Variants in ELF2 observed in about 807,000 individuals in gnomAD.
The protein encoded by ELF2 is ETS-related transcription factor Elf-2.
ELF2 carries 11 observed loss-of-function variants against 54.8 expected under a neutral mutation model. The ratio of observed to expected loss-of-function variants is 0.20; its 90% CI spans 0.13 to 0.33. The LOEUF is 0.33. Ranked by LOEUF, ELF2 falls within the 10% of genes least tolerant of loss-of-function variation. The pLI, the probability that ELF2 is intolerant of heterozygous loss-of-function variation, is 1.00. For missense variants in ELF2, 513 were observed against 703.0 expected (o/e 0.73, Z 3.06); for synonymous variants, 203 against 245.1 (o/e 0.83, Z 1.61).
At chr4:139,101,744 T>C (rs577873168) in intron 4 of ELF2, 3 of 152,328 alleles carry the variant, frequency 2.0e-5, no homozygotes, top group East Asian at 1.9e-4. Flanking sequence ...GTTCTTCCTT[T>C]TTTATGGAGG....
intron 4 of ELF2, among the ~76,000 whole-genome samples, chr4:139,091,863 G>A (rs1347709629): frequency 6.6e-6 from 1 of 151,134 alleles, no homozygotes; most frequent in Admixed American, 6.6e-5. Context: ...AACACACTTT[G>A]GCAAAGGTTG....
At position 139,130,765 on chromosome 4, in the gene ELF2, A is replaced by G. The variant is rs568538804; in HGVS notation, c.73-5436T>C. Reference sequence around the variant, plus strand: ...TTCATATAAACTAAAGTGGCATTTAAGTACAGATATTTGTAGCTTGGCTCA... The same window carrying G: ...TTCATATAAACTAAAGTGGCATTTAGGTACAGATATTTGTAGCTTGGCTCA... On this transcript the variant is annotated intron_variant, in intron 3 of 9. Transcript: ENST00000686138. Among the ~76,000 whole-genome samples, 30 of 152,354 alleles carry G rather than the reference A, an allele frequency of 2.0e-4. No individual in the cohort carries two copies. In the South Asian group the frequency reaches 5.6e-3, roughly 28 times the overall value.
intron 1 of ELF2, among the ~76,000 whole-genome samples, chr4:139,153,036 A>G (rs1444450118): frequency 6.6e-6 from 1 of 151,802 alleles, no homozygotes; most frequent in African/African-American, 2.4e-5. Context: ...AGTTTTGTGC[A>G]TTCTTTCCAT....
intron 4 of ELF2, among the ~76,000 whole-genome samples, chr4:139,111,178 C>T (rs994622787): frequency 6.6e-6 from 1 of 152,082 alleles, no homozygotes; most frequent in African/African-American, 2.4e-5. Flanking sequence ...CACCTAAGGC[C>T]TAGAACACTG....
At position 139,112,702 on chromosome 4, in the gene ELF2, AT is replaced by A. The variant is rs893709230; in HGVS notation, c.238+12461del. On this transcript the variant is annotated intron_variant, in intron 4 of 9. Transcript: ENST00000686138. ...TTAGATACACTGTTGTATAGCAAAA[AT>A]TTTTTTTTAATTTTTTTAGTATTTA... Among the ~76,000 whole-genome samples, 7 of 151,844 alleles carry A rather than the reference AT, an allele frequency of 4.6e-5. No homozygotes were observed. In the South Asian group the frequency reaches 8.4e-4, roughly 18 times the overall value.
At chr4:139,161,866 G>A (rs1381530451) in intron 1 of ELF2, among the ~76,000 whole-genome samples, 9 of 151,980 alleles carry the variant, frequency 5.9e-5, no homozygotes, top group South Asian at 2.1e-4. Flanking sequence ...AGGCCAAGAC[G>A]GGTGGATCAC....
chr4:139,091,975 C>T (rs142688150), intron 4 of ELF2, among the ~76,000 whole-genome samples: 2,149 of 147,866 alleles, frequency 0.015, 58 homozygotes, highest in African/African-American at 0.05. Context: ...ATATACACTA[C>T]ATATATACAT....
At chr4:139,172,531 T>C (rs1193740476) in intron 1 of ELF2, among the ~76,000 whole-genome samples, 2 of 152,078 alleles carry the variant, frequency 1.3e-5, no homozygotes, top group African/African-American at 4.8e-5. Flanking sequence ...TAACCCTTAT[T>C]TTACTTAACA....
In ELF2 at chr4:139,073,452, A is replaced by G; in HGVS notation, c.352+2T>C. 6.3e-7 allele frequency: 1 copy of G among 1,597,818 alleles called. No homozygotes were observed. Among genetic ancestry groups the G allele is most frequent in the Non-Finnish European group, 8.5e-7 (1 of 1,171,012 alleles). On this transcript the variant is annotated splice_donor_variant, in intron 5 of 9. Coordinates refer to ENST00000686138, the MANE Select transcript of ELF2 (RefSeq NM_001331036.3). LOFTEE classifies it high-confidence loss of function. ...TAACATAAGAATGAACAGTTTACAT[A>G]CCAGGACTTCTTGAATCCCTCAAGC...
At chr4:139,086,637 T>G (rs780534397) in intron 4 of ELF2, among the ~76,000 whole-genome samples, 11 of 152,212 alleles carry the variant, frequency 7.2e-5, no homozygotes, top group Non-Finnish European at 1.5e-4. Context: ...TATAGGTGCT[T>G]ATTAAGCTGG....
At chr4:139,160,148 T>C (rs187859701) in intron 1 of ELF2, among the ~76,000 whole-genome samples, 59 of 152,202 alleles carry the variant, frequency 3.9e-4, no homozygotes, top group Non-Finnish European at 8.8e-5. Context: ...CCATCCTGGC[T>C]AACACGGTGA....
chr4:139,116,159 A>G (rs1489063804), intron 4 of ELF2, among the ~76,000 whole-genome samples: 3 of 152,232 alleles, frequency 2.0e-5, no homozygotes, highest in African/African-American at 7.2e-5. Context: ...CTTTTATCTA[A>G]TAATACTGTC....
intron 1 of ELF2, among the ~76,000 whole-genome samples, chr4:139,143,990 G>A (rs1328330369): frequency 6.6e-6 from 1 of 151,932 alleles, no homozygotes; most frequent in Non-Finnish European, 1.5e-5. Flanking sequence ...TGGCAGATTG[G>A]AGGTAGTATT....
intron 1 of ELF2, among the ~76,000 whole-genome samples, chr4:139,166,232 A>T (rs1284250361): frequency 6.6e-6 from 1 of 152,154 alleles, no homozygotes; most frequent in Non-Finnish European, 1.5e-5. Context: ...TACTAAAAAT[A>T]CAAAAATTAG....
intron 1 of ELF2, among the ~76,000 whole-genome samples, chr4:139,151,040 G>GAAAGAAAGAAAGAAAGAAAGA: frequency 1.8e-5 from 1 of 55,776 alleles, no homozygotes; most frequent in African/African-American, 4.9e-5. Flanking sequence ...AAAAAAGAAA[G>GAAAGAAAGAAAGAAAGAAAGA]AAAGAAAGAA....
At chr4:139,078,713 C>A (rs1479653050) in intron 4 of ELF2, among the ~76,000 whole-genome samples, 1 of 151,536 alleles carries the variant, frequency 6.6e-6, no homozygotes, top group Admixed American at 6.6e-5. Flanking sequence ...CAGATACATG[C>A]GGCTAGTGGC....
chr4:139,112,917 T>G (rs1473503356), intron 4 of ELF2, among the ~76,000 whole-genome samples: 1 of 151,520 alleles, frequency 6.6e-6, no homozygotes, highest in Non-Finnish European at 1.5e-5. Context: ...TAAAAAAAAT[T>G]TTTTAAGTCT....
chr4:139,154,962 T>C (rs1740379214), intron 1 of ELF2, among the ~76,000 whole-genome samples: 1 of 152,202 alleles, frequency 6.6e-6, no homozygotes. Flanking sequence ...CTTCAAATAT[T>C]GAAGCTCTCA....
At position 139,115,346 on chromosome 4, in the gene ELF2, G is replaced by A. The variant is rs891746251; in HGVS notation, c.238+9818C>T. 42 of 1,325,594 alleles carry A rather than the reference G, an allele frequency of 3.2e-5. No individual in the cohort carries two copies. In the South Asian group the frequency reaches 4.4e-4, roughly 14 times the overall value. 82.1% of individuals were successfully genotyped at this position (1,325,594 alleles called of 1,614,324 possible). On this transcript the variant is annotated intron_variant, in intron 4 of 9. Coordinates refer to ENST00000686138, the MANE Select transcript of ELF2 (RefSeq NM_001331036.3). ...CCCGGGGGCCGGGGTCGCCAACGCC[G>A]CGCCCCCCGCGGTGCCGCTGTCCGC...
Sources: gnomAD v4.1 joint callset for allele counts (sites outside exome capture counted in the v4.1 genomes callset) on GRCh38, gnomAD v4.1.1 for gene constraint, MANE v1.5 for transcripts, NCBI Gene and HGNC (gene_info 2026-07-23, HGNC 2026-07-21) for gene names.